FCHO2: variants seen among roughly 807,000 people sequenced by gnomAD.
FCHO2 encodes the protein F-BAR domain only protein 2.
In FCHO2, 43 loss-of-function variants were observed where a neutral mutation model predicts 114.1. The ratio of observed to expected loss-of-function variants is 0.38; its 90% CI spans 0.30 to 0.49. The LOEUF (loss-of-function observed/expected upper bound fraction) is 0.49. Among genes scored for constraint, FCHO2 ranks in the 20% least tolerant of loss-of-function variants. FCHO2 has a pLI of 0.97. For missense variants in FCHO2, 807 were observed against 950.4 expected, an observed-to-expected ratio of 0.85 and a Z score of 1.98; for synonymous variants, 293 against 315.2, an observed-to-expected ratio of 0.93 and a Z score of 0.75.
intron 11 of FCHO2, among the ~76,000 whole-genome samples, chr5:73,045,605 C>T (rs1757018095): frequency 6.6e-6 from 1 of 152,178 alleles, no homozygotes; most frequent in Admixed American, 6.5e-5. Flanking sequence ...TCCTCTCTGA[C>T]CCTGATAATG....
At chr5:73,037,942 T>C (rs1284520888) in intron 10 of FCHO2, 3 of 291,002 alleles carry the variant, frequency 1.0e-5, no homozygotes, top group African/African-American at 6.9e-5. Flanking sequence ...GTATTTTTAG[T>C]AGAGACAGGG....
At chr5:73,069,748 C>G (rs1742545321) in intron 19 of FCHO2, among the ~76,000 whole-genome samples, 1 of 151,996 alleles carries the variant, frequency 6.6e-6, no homozygotes, top group Admixed American at 6.6e-5. Context: ...GAACCTAAAC[C>G]TCACCAAACA....
At chr5:73,061,146 C>A (rs973865037) in intron 17 of FCHO2, among the ~76,000 whole-genome samples, 1 of 151,950 alleles carries the variant, frequency 6.6e-6, no homozygotes, top group Non-Finnish European at 1.5e-5. Flanking sequence ...TTGTTGAGTA[C>A]CACACATACA....
In FCHO2 at chr5:73,078,212, AT is replaced by A; in HGVS notation, c.1885del (p.Trp629GlyfsTer2). ...TCACAATGTGATTCCAACACAAAAG[AT>A]TTTTGGATGAACATGCAAGCTGTTA... ...DPSQCDSNTKDFWMNMQAVTV... is the reference protein window; with the variant it reads ...DPSQCDSNTKXFWMNMQAVTV... On this transcript the variant is annotated frameshift_variant, in exon 22 of 26. Transcript: ENST00000430046. LOFTEE classifies it high-confidence loss of function. 1.3e-6 allele frequency: 2 copies of A among 1,576,370 alleles called. No individual in the cohort carries two copies. The highest frequency in any genetic ancestry group is 1.7e-6 in the Non-Finnish European group (2 of 1,161,340).
chr5:72,987,337 T>G (rs550455926), intron 2 of FCHO2, among the ~76,000 whole-genome samples: 1 of 152,130 alleles, frequency 6.6e-6, no homozygotes, highest in East Asian at 1.9e-4. Flanking sequence ...GGATGTTTGT[T>G]TGTTTATTTA....
At chr5:72,996,865 G>T in intron 5 of FCHO2, 1 of 1,365,160 alleles carries the variant, frequency 7.3e-7, no homozygotes, top group South Asian at 1.3e-5. Context: ...GCTGTGCCAC[G>T]GGGGCCCCCG....
intron 8 of FCHO2, among the ~76,000 whole-genome samples, chr5:73,025,586 C>T (rs1376254259): frequency 6.6e-6 from 1 of 152,014 alleles, no homozygotes; most frequent in African/African-American, 2.4e-5. Context: ...ACCATGTTGG[C>T]CAGGTTAATC....
intron 2 of FCHO2, among the ~76,000 whole-genome samples, chr5:72,982,826 ATTTTTT>A (rs36075860): frequency 9.2e-6 from 1 of 108,170 alleles, no homozygotes; most frequent in Non-Finnish European, 2.0e-5. Flanking sequence ...GTCTGGATTC[ATTTTTT>A]TTTTTTTTTT....
intron 19 of FCHO2, among the ~76,000 whole-genome samples, chr5:73,069,628 G>A (rs76242922): frequency 0.024 from 3,656 of 152,014 alleles, 67 homozygotes; most frequent in South Asian, 0.039. Flanking sequence ...GGGGTGGGGG[G>A]CGGTTTACTT....
chr5:73,064,046 T>C (rs1448155684), intron 18 of FCHO2, 102 bp downstream of exon 18: 2 of 1,109,044 alleles, frequency 1.8e-6, no homozygotes, highest in African/African-American at 1.6e-5. Flanking sequence ...TGAAGTTTTC[T>C]ACCCATGTCC....
At chr5:73,060,768 G>A (rs1163607651) in intron 17 of FCHO2, among the ~76,000 whole-genome samples, 1 of 151,962 alleles carries the variant, frequency 6.6e-6, no homozygotes, top group Non-Finnish European at 1.5e-5. Context: ...AAGAATCCCA[G>A]TGTTGTTACA....
intron 2 of FCHO2, among the ~76,000 whole-genome samples, chr5:72,971,698 G>A (rs1418659792): frequency 6.6e-6 from 1 of 152,130 alleles, no homozygotes; most frequent in East Asian, 1.9e-4. Context: ...AGAAGCTCTT[G>A]AGTTTAATTA....
intron 2 of FCHO2, among the ~76,000 whole-genome samples, chr5:72,976,385 T>C (rs1265392830): frequency 1.3e-5 from 2 of 152,088 alleles, no homozygotes; most frequent in African/African-American, 4.8e-5. Flanking sequence ...GGCTTTTTTG[T>C]TGTTGTCAAG....
intron 24 of FCHO2, among the ~76,000 whole-genome samples, chr5:73,085,131 G>T (rs12153586): frequency 6.6e-6 from 1 of 151,654 alleles, no homozygotes; most frequent in Non-Finnish European, 1.5e-5. Flanking sequence ...CAGGTAGATC[G>T]TGAGGTCAAG....
At chr5:73,059,378 A>T (rs946787057) in intron 17 of FCHO2, among the ~76,000 whole-genome samples, 8 of 152,100 alleles carry the variant, frequency 5.3e-5, no homozygotes, top group African/African-American at 1.9e-4. Flanking sequence ...TCCCTGTTTT[A>T]TAGATGAAAA....
intron 17 of FCHO2, among the ~76,000 whole-genome samples, chr5:73,062,413 T>A (rs1757894398): frequency 2.0e-5 from 3 of 152,082 alleles, no homozygotes; most frequent in Admixed American, 6.6e-5. Flanking sequence ...CTGTGTAAAC[T>A]CTCTCACAAG....
intron 2 of FCHO2, among the ~76,000 whole-genome samples, chr5:72,979,378 C>CTTTTTTTTTTTTTTT (rs60234739): frequency 2.0e-5 from 1 of 49,770 alleles, no homozygotes; most frequent in Non-Finnish European, 3.4e-5. Context: ...TTATCAATTT[C>CTTTTTTTTTTTTTTT]TTTTTTTTTT....
intron 1 of FCHO2, among the ~76,000 whole-genome samples, chr5:72,962,815 C>G (rs890438995): frequency 6.6e-6 from 1 of 151,986 alleles, no homozygotes; most frequent in Non-Finnish European, 1.5e-5. Context: ...ATTGCTTGAA[C>G]CCGGGTGGCA....
chr5:73,001,067 G>T (rs939683962), intron 5 of FCHO2, among the ~76,000 whole-genome samples: 3 of 152,070 alleles, frequency 2.0e-5, no homozygotes, highest in Admixed American at 1.3e-4. Context: ...TTGTGTAGCT[G>T]TTTCTTATGA....
Sources: gnomAD v4.1 joint callset for allele counts (sites outside exome capture counted in the v4.1 genomes callset) on GRCh38, gnomAD v4.1.1 for gene constraint, MANE v1.5 for transcripts, NCBI Gene and HGNC (gene_info 2026-07-23, HGNC 2026-07-21) for gene names.